The following UBTD2 variants were observed in gnomAD, a reference collection of about 807,000 sequenced individuals.
UBTD2 encodes the protein ubiquitin domain-containing protein 2.
A neutral mutation model predicts 19.8 loss-of-function variants in UBTD2; 9 were observed. That is an observed-to-expected ratio of 0.46 (90% CI 0.27 to 0.79). The LOEUF (loss-of-function observed/expected upper bound fraction) is 0.79, where lower values mean the gene tolerates loss of function less well. UBTD2 is among the 30% of genes least tolerant of loss of function. The probability of loss-of-function intolerance (pLI) is 0.14; values close to 1 mark genes in which losing one functional copy is unlikely to be tolerated. For missense variants in UBTD2, 250 were observed against 300.4 expected (o/e 0.83, Z 1.24); for synonymous variants, 98 against 103.9 (o/e 0.94, Z 0.35).
chr5:172,277,000 C>T (rs555477479), intron 1 of UBTD2, among the ~76,000 whole-genome samples: 1 of 124,092 alleles, frequency 8.1e-6, no homozygotes, highest in African/African-American at 3.1e-5. Context: ...ACCTGGGAGG[C>T]GGAGATTGCA....
intron 1 of UBTD2, among the ~76,000 whole-genome samples, chr5:172,239,765 G>T (rs1180285429): frequency 6.6e-6 from 1 of 151,876 alleles, no homozygotes; most frequent in Non-Finnish European, 1.5e-5. Flanking sequence ...TTAGCCAGGC[G>T]TGGTGGCAGG....
intron 2 of UBTD2, among the ~76,000 whole-genome samples, chr5:172,213,896 C>A (rs145960852): frequency 6.6e-6 from 1 of 152,314 alleles, no homozygotes; most frequent in East Asian, 1.9e-4. Context: ...AAGTAATTCT[C>A]CTGCCTCAGC....
At chr5:172,256,530 CTTT>C (rs11324235) in intron 1 of UBTD2, among the ~76,000 whole-genome samples, 6 of 142,436 alleles carry the variant, frequency 4.2e-5, no homozygotes, top group Admixed American at 7.0e-5. Context: ...CCATGCCCAG[CTTT>C]TTTTTTTTTT....
chr5:172,263,595 C>T (rs1755315462), intron 1 of UBTD2, among the ~76,000 whole-genome samples: 1 of 151,922 alleles, frequency 6.6e-6, no homozygotes, highest in East Asian at 1.9e-4. Flanking sequence ...GAGATCGAGA[C>T]CATCCCAGTT....
intron 2 of UBTD2, among the ~76,000 whole-genome samples, chr5:172,216,581 C>T (rs1771545900): frequency 8.4e-6 from 1 of 119,374 alleles, no homozygotes; most frequent in Non-Finnish European, 1.7e-5. Context: ...AGGGAAACCC[C>T]ATCTCTACCC....
chr5:172,252,078 A>C (rs577907421), intron 1 of UBTD2, among the ~76,000 whole-genome samples: 1 of 152,240 alleles, frequency 6.6e-6, no homozygotes, highest in Non-Finnish European at 1.5e-5. Context: ...TTTCTCAAAG[A>C]TCATAGAACT....
At chr5:172,234,646 C>A (rs980755437) in intron 1 of UBTD2, among the ~76,000 whole-genome samples, 1 of 152,202 alleles carries the variant, frequency 6.6e-6, no homozygotes, top group East Asian at 1.9e-4. Flanking sequence ...TAGCTCAACA[C>A]CTGTAATCCC....
At chr5:172,231,283 T>A (rs9332410) in intron 2 of UBTD2, among the ~76,000 whole-genome samples, 9 of 152,096 alleles carry the variant, frequency 5.9e-5, no homozygotes, top group South Asian at 2.1e-4. Context: ...ATCAAGGGCA[T>A]CAGTGACAAT....
chr5:172,255,403 T>C (rs537286628), intron 1 of UBTD2: 16 of 495,794 alleles, frequency 3.2e-5, no homozygotes, highest in African/African-American at 2.8e-4. Flanking sequence ...CACGGGCCTC[T>C]TGCTTAACAG....
chr5:172,277,851 C>CAAA (rs398065417), intron 1 of UBTD2, among the ~76,000 whole-genome samples: 1 of 78,414 alleles, frequency 1.3e-5, no homozygotes, highest in Non-Finnish European at 2.9e-5. Flanking sequence ...TCTTACCACT[C>CAAA]AAAAAAAAAA....
intron 1 of UBTD2, among the ~76,000 whole-genome samples, chr5:172,245,244 T>G (rs1221053724): frequency 6.6e-6 from 1 of 152,168 alleles, no homozygotes; most frequent in East Asian, 1.9e-4. Context: ...GTGCTGGCAG[T>G]AACAACTCTG....
intron 2 of UBTD2, among the ~76,000 whole-genome samples, chr5:172,225,483 TAGAA>T (rs1485770735): frequency 1.3e-5 from 2 of 152,316 alleles, no homozygotes; most frequent in East Asian, 1.9e-4. Flanking sequence ...TCTTTCAGGT[TAGAA>T]AGAAAGATGT....
intron 1 of UBTD2, among the ~76,000 whole-genome samples, chr5:172,268,860 C>T (rs1225943013): frequency 6.6e-6 from 1 of 152,056 alleles, no homozygotes; most frequent in Non-Finnish European, 1.5e-5. Context: ...GGGAAAAAAA[C>T]CCAGTTATAA....
intron 1 of UBTD2, among the ~76,000 whole-genome samples, chr5:172,267,899 G>A (rs61290975): frequency 0.059 from 8,934 of 152,300 alleles, 832 homozygotes; most frequent in African/African-American, 0.2. Context: ...AGAAACGGAA[G>A]ATGAGTGGAA....
At chr5:172,259,069 G>A (rs141270936) in intron 1 of UBTD2, among the ~76,000 whole-genome samples, 1 of 152,268 alleles carries the variant, frequency 6.6e-6, no homozygotes, top group Admixed American at 6.5e-5. Flanking sequence ...TCAGTATGAT[G>A]TTGCTGTGGG....
intron 1 of UBTD2, among the ~76,000 whole-genome samples, chr5:172,267,997 C>T (rs1263074794): frequency 6.6e-6 from 1 of 152,170 alleles, no homozygotes; most frequent in Non-Finnish European, 1.5e-5. Context: ...CTAAGAAAGG[C>T]TTCTATTAAG....
intron 1 of UBTD2, among the ~76,000 whole-genome samples, chr5:172,245,620 G>A (rs1025636981): frequency 1.3e-5 from 2 of 151,858 alleles, no homozygotes; most frequent in African/African-American, 4.8e-5. Context: ...GCTGAGGCAG[G>A]AGAATCGTCT....
intron 1 of UBTD2, among the ~76,000 whole-genome samples, chr5:172,258,128 T>C (rs1755197034): frequency 6.6e-6 from 1 of 152,220 alleles, no homozygotes; most frequent in Non-Finnish European, 1.5e-5. Context: ...CTAGGGTTTT[T>C]CAAGTTTTAC....
intron 1 of UBTD2, among the ~76,000 whole-genome samples, chr5:172,261,811 G>A (rs1396076617): frequency 6.6e-6 from 1 of 152,066 alleles, no homozygotes; most frequent in African/African-American, 2.4e-5. Context: ...TTTTAACAGA[G>A]ATGGGTTTCG....
Sources: gnomAD v4.1 joint callset for allele counts (sites outside exome capture counted in the v4.1 genomes callset) on GRCh38, gnomAD v4.1.1 for gene constraint, MANE v1.5 for transcripts, NCBI Gene and HGNC (gene_info 2026-07-23, HGNC 2026-07-21) for gene names.